The following CEP57L1 variants were observed in gnomAD, a reference collection of about 807,000 sequenced individuals.
CEP57L1 encodes the protein centrosomal protein 57 like 1.
A neutral mutation model predicts 61.0 loss-of-function variants in CEP57L1; 37 were observed. The ratio of observed to expected loss-of-function variants is 0.61; its 90% CI spans 0.47 to 0.80. The LOEUF (loss-of-function observed/expected upper bound fraction) is 0.80, where lower values mean the gene tolerates loss of function less well. CEP57L1 is among the 30% of genes least tolerant of loss of function. The pLI, the probability that CEP57L1 is intolerant of heterozygous loss-of-function variation, is 0.00. For synonymous variants in CEP57L1, 137 were observed against 162.3 expected (o/e 0.84, Z 1.19); for missense variants, 422 against 524.7 (o/e 0.80, Z 1.91).
chr6:109,142,960 TCTCTCTCTCTCTCTCTCTCTCTC>T (rs1771565942), intron 1 of CEP57L1, among the ~76,000 whole-genome samples: 1 of 65,340 alleles, frequency 1.5e-5, no homozygotes, highest in African/African-American at 6.9e-5. Flanking sequence ...TCTCTCTCTC[TCTCTCTCTCTCTCTCTCTCTCTC>T]TCTCTCTCTC....
At chr6:109,142,389 C>T (rs1257131989) in intron 1 of CEP57L1, among the ~76,000 whole-genome samples, 1 of 152,092 alleles carries the variant, frequency 6.6e-6, no homozygotes, top group Non-Finnish European at 1.5e-5. Context: ...CATGTTCTCA[C>T]TCATAAGTGG....
chr6:109,104,389 T>C (rs1770671106), intron 1 of CEP57L1, among the ~76,000 whole-genome samples: 1 of 152,180 alleles, frequency 6.6e-6, no homozygotes, highest in Non-Finnish European at 1.5e-5. Flanking sequence ...ATGTGCCATT[T>C]TCTCTAGGGT....
chr6:109,125,051 A>G (rs1228013459), intron 1 of CEP57L1: 1 of 152,216 alleles, frequency 6.6e-6, no homozygotes, highest in Non-Finnish European at 1.5e-5. Flanking sequence ...CAGCAAGGGA[A>G]GAGGTAGCAA....
rs1226491025 is a variant in CEP57L1 at position 109,153,637 on chromosome 6, GA to G, written c.463-189del. Among the ~76,000 whole-genome samples the G allele has an allele frequency of 2.0e-5, 3 of 151,856 alleles. No homozygotes were observed. The East Asian group carries it at 5.8e-4, about 29-fold the overall frequency. ...TTTTAAAAATTATGACTTTAAGGTT[GA>G]AAAAAATAAATAACAAAAAGTATTT... On this transcript the variant is annotated intron_variant, in intron 4 of 10. Coordinates refer to ENST00000517392, the MANE Select transcript of CEP57L1 (RefSeq NM_001271852.3).
At chr6:109,119,753 T>C (rs1296761676) in intron 1 of CEP57L1, among the ~76,000 whole-genome samples, 1 of 152,112 alleles carries the variant, frequency 6.6e-6, no homozygotes, top group Non-Finnish European at 1.5e-5. Flanking sequence ...AAAATTAGGT[T>C]TGTGCAGGAG....
intron 4 of CEP57L1, among the ~76,000 whole-genome samples, 172 bp from the exon 5 acceptor site, chr6:109,153,660 AT>A (rs1388597738): frequency 4.6e-5 from 7 of 152,110 alleles, no homozygotes; most frequent in Non-Finnish European, 1.5e-5. Context: ...AACAAAAAGT[AT>A]TTGATTTTCT....
At chr6:109,098,393 C>A (rs769149494) in intron 1 of CEP57L1, among the ~76,000 whole-genome samples, 31 of 151,990 alleles carry the variant, frequency 2.0e-4, no homozygotes, top group Non-Finnish European at 2.9e-4. Flanking sequence ...GTGATCCACC[C>A]ACCTCAGCCT....
At chr6:109,115,866 T>C (rs1053927662) in intron 1 of CEP57L1, among the ~76,000 whole-genome samples, 1 of 152,202 alleles carries the variant, frequency 6.6e-6, no homozygotes, top group African/African-American at 2.4e-5. Flanking sequence ...GTGTAAAAGC[T>C]TGTAAGTGGT....
In CEP57L1 at chr6:109,166,436, T is replaced by C. The variant is rs1774109070; in HGVS notation, c.*3466T>C. Among the ~76,000 whole-genome samples, 2 of 150,450 alleles carry C rather than the reference T, an allele frequency of 1.3e-5. No individual in the cohort carries two copies. Among genetic ancestry groups the C allele is most frequent in the African/African-American group, 2.5e-5 (1 of 40,734 alleles). ...TCTCGCTGTGTCACCCAGGCTAGAG[T>C]GCAGTGGCACGATCTCAGCTCACTG... On this transcript the variant is annotated 3_prime_UTR_variant, in exon 11 of 11. Coordinates refer to ENST00000517392, the MANE Select transcript of CEP57L1 (RefSeq NM_001271852.3).
Position 109,146,908 on chromosome 6 carries a change from C to T in CEP57L1, c.311C>T (p.Ala104Val). 1 of 1,608,352 alleles carries T rather than the reference C, an allele frequency of 6.2e-7. No individual in the cohort carries two copies. Among genetic ancestry groups the T allele is most frequent in the Non-Finnish European group, 8.5e-7 (1 of 1,177,886 alleles). The change falls in exon 3 of 11, where the codon GCA becomes GTA. Residue 104 changes from alanine (A) to valine (V), a missense_variant. Transcript: ENST00000517392. ...AATGAAACAAATGAGAGAAATCTGG[C>T]ACACCAGGAGCTGATAAAGCAGAAA... ...LENETNERNL[A>V]HQELIKQKKD...
rs1478056578 is a variant in CEP57L1, at chr6:109,171,994, G to T, written c.*9024G>T. On this transcript the variant is annotated 3_prime_UTR_variant, in exon 11 of 11. Coordinates refer to ENST00000517392, the MANE Select transcript of CEP57L1 (RefSeq NM_001271852.3). The stretch of plus-strand genomic sequence containing the variant: ...GTCCCCAAGACCACCTTCAGGATCA[G>T]TGATTCACTGGAGGGACTCACAGAA... Among the ~76,000 whole-genome samples, 1 of 152,132 alleles carries T rather than the reference G, an allele frequency of 6.6e-6. No homozygotes were observed. Among genetic ancestry groups the T allele is most frequent in the Admixed American group, 6.5e-5 (1 of 15,274 alleles).
At chr6:109,130,980 C>T (rs1774126783) in intron 1 of CEP57L1, 1 of 152,218 alleles carries the variant, frequency 6.6e-6, no homozygotes, top group African/African-American at 2.4e-5. Flanking sequence ...TAAACTGTAT[C>T]CCCTGGATTT....
intron 1 of CEP57L1, among the ~76,000 whole-genome samples, chr6:109,116,060 GA>G (rs1384485138): frequency 6.7e-6 from 1 of 149,506 alleles, no homozygotes; most frequent in East Asian, 1.9e-4. Flanking sequence ...GTATTTCCTG[GA>G]ATTCTATTTC....
intron 1 of CEP57L1, among the ~76,000 whole-genome samples, chr6:109,144,793 A>G (rs1438987297): frequency 2.0e-5 from 3 of 152,110 alleles, no homozygotes; most frequent in African/African-American, 7.2e-5. Context: ...TTCAACAATC[A>G]GTATTAGAGA....
intron 1 of CEP57L1, among the ~76,000 whole-genome samples, chr6:109,102,737 A>G (rs1770464995): frequency 1.3e-5 from 2 of 151,980 alleles, no homozygotes; most frequent in Non-Finnish European, 2.9e-5. Flanking sequence ...TATTATTTTG[A>G]TCAATAATAT....
intron 1 of CEP57L1, among the ~76,000 whole-genome samples, chr6:109,137,341 G>A (rs182777990): frequency 4.6e-5 from 7 of 151,774 alleles, no homozygotes; most frequent in Admixed American, 2.6e-4. Flanking sequence ...TCACTCTGTC[G>A]CCCAGGCTGG....
At position 109,159,128 on chromosome 6, in the gene CEP57L1, T is replaced by G. The variant is rs371361220; in HGVS notation, c.822+26T>G. ...GTGAGAGGGGATAAAATGAAGATAGTCGTTCAAAAAAACTCCTGTTTTGTT... is the reference window on the plus strand; with the variant it reads ...GTGAGAGGGGATAAAATGAAGATAGGCGTTCAAAAAAACTCCTGTTTTGTT... On this transcript the variant is annotated intron_variant, in intron 8 of 10. Transcript: ENST00000517392. The G allele has an allele frequency of 3.1e-6, 5 of 1,613,880 alleles. No homozygotes were observed. In the African/African-American group the frequency reaches 6.7e-5, roughly 22 times the overall value.
chr6:109,127,209 A>G (rs1462831059), intron 1 of CEP57L1, among the ~76,000 whole-genome samples: 2 of 152,182 alleles, frequency 1.3e-5, no homozygotes, highest in African/African-American at 4.8e-5. Flanking sequence ...TGTTCTACTC[A>G]TGTAATAATG....
chr6:109,151,272 G>A (rs1474838364), intron 4 of CEP57L1, among the ~76,000 whole-genome samples: 1 of 152,086 alleles, frequency 6.6e-6, no homozygotes, highest in African/African-American at 2.4e-5. Context: ...ATATGGAAAA[G>A]CAAAGGTCCA....
Sources: allele counts gnomAD v4.1 joint callset (sites outside exome capture counted in the v4.1 genomes callset), GRCh38; gene constraint gnomAD v4.1.1; transcripts MANE v1.5; gene names NCBI Gene and HGNC (gene_info 2026-07-23, HGNC 2026-07-21).